TUBB4A: variants seen among roughly 807,000 people sequenced by gnomAD.
TUBB4A encodes the protein tubulin beta 4A class IVa.
In TUBB4A, 13 loss-of-function variants were observed where a neutral mutation model predicts 35.1. The observed-to-expected ratio is 0.37, with a 90% CI of 0.24 to 0.59. The LOEUF (loss-of-function observed/expected upper bound fraction) is 0.59. TUBB4A is among the 20% of genes least tolerant of loss of function. The probability of loss-of-function intolerance (pLI) is 0.71; values close to 1 mark genes in which losing one functional copy is unlikely to be tolerated. For synonymous variants in TUBB4A, 279 were observed against 272.4 expected, an observed-to-expected ratio of 1.02 and a Z score of -0.24; for missense variants, 299 against 647.2, an observed-to-expected ratio of 0.46 and a Z score of 5.84.
In TUBB4A at chr19:6,495,086, T is replaced by C; in HGVS notation, c.*78A>G. 1 of 1,546,972 alleles carries C rather than the reference T, an allele frequency of 6.5e-7. No individual in the cohort carries two copies. The highest frequency in any genetic ancestry group is 8.8e-7 in the Non-Finnish European group (1 of 1,136,220). ...CAGCCTTGGAGGGAAAGCGGGGCTC[T>C]AGGGTTCAGAGATGGGGGGCCTAGC... On this transcript the variant is annotated 3_prime_UTR_variant, in exon 4 of 4. Coordinates refer to ENST00000264071, the MANE Select transcript of TUBB4A (RefSeq NM_006087.4). The surrounding 1 kb of genome is among the most constrained non-coding windows in gnomAD (Gnocchi z 8.7).
chr19:6,499,028 A>G (rs1914405654), intron 3 of TUBB4A, among the ~76,000 whole-genome samples: 1 of 152,114 alleles, frequency 6.6e-6, no homozygotes, highest in African/African-American at 2.4e-5. Context: ...GAGGAGCATT[A>G]AAAGTGTGGG....
In TUBB4A at chr19:6,501,007, G is replaced by C. The variant is rs1436926760; in HGVS notation, c.277+280C>G. 1.2e-5 allele frequency: 5 copies of C among 423,950 alleles called. No individual in the cohort carries two copies. The East Asian group carries it at 2.0e-4, about 17-fold the overall frequency. 26.3% of individuals were successfully genotyped at this position (423,950 alleles called of 1,614,324 possible). On this transcript the variant is annotated intron_variant, in intron 3 of 3. Transcript: ENST00000264071. The surrounding 1 kb of genome is among the most constrained non-coding windows in gnomAD (Gnocchi z 4.2). ...GTTGAATGCATGAAGTGGCAGAATTGGGATGTGCACCCAGGCAGTCTGGTT... is the reference window on the plus strand; with the variant it reads ...GTTGAATGCATGAAGTGGCAGAATTCGGATGTGCACCCAGGCAGTCTGGTT...
chr19:6,498,298 C>T (rs1400191665), intron 3 of TUBB4A, among the ~76,000 whole-genome samples: 1 of 152,140 alleles, frequency 6.6e-6, no homozygotes, highest in African/African-American at 2.4e-5. Context: ...CATCTGTCTC[C>T]ACCTTAGTTC....
rs567403833 is a variant in TUBB4A, at chr19:6,499,265, C to T, written c.277+2022G>A. Among the ~76,000 whole-genome samples, 27 of 151,414 alleles carry T rather than the reference C, an allele frequency of 1.8e-4. 1 individual carries two copies. In the South Asian group the frequency reaches 2.9e-3, roughly 16 times the overall value. ...TGAATCTGGGAGGTGGAGGTTGCGTCACTGCACTCCAGCCTGGGCAACGGA... is the reference window on the plus strand; with the variant it reads ...TGAATCTGGGAGGTGGAGGTTGCGTTACTGCACTCCAGCCTGGGCAACGGA... On this transcript the variant is annotated intron_variant, in intron 3 of 3. Transcript: ENST00000264071.
chr19:6,502,009 C>T lies in TUBB4A; in HGVS notation c.57+147G>A. 5.8e-6 allele frequency: 5 copies of T among 856,070 alleles called. No homozygotes were observed. In the South Asian group the frequency reaches 7.5e-5, roughly 13 times the overall value. 53.0% of individuals were successfully genotyped at this position (856,070 alleles called of 1,614,324 possible). Reference sequence around the variant, plus strand: ...GGCCCTGCCACCCCCACCCCGCGACCCTTCCCCCAAGGCCCCTGGGGCGCG... The same window carrying T: ...GGCCCTGCCACCCCCACCCCGCGACTCTTCCCCCAAGGCCCCTGGGGCGCG... On this transcript the variant is annotated intron_variant, in intron 1 of 3. Coordinates refer to ENST00000264071, the MANE Select transcript of TUBB4A (RefSeq NM_006087.4).
At chr19:6,496,282 GTCTC>G in intron 3 of TUBB4A, 61 bp from the exon 4 acceptor site, 1 of 1,490,522 alleles carries the variant, frequency 6.7e-7, no homozygotes, top group East Asian at 2.3e-5. Flanking sequence ...CCTTGACTCT[GTCTC>G]TCCACCACCT....
Position 6,495,765 on chromosome 19 carries a change from T to C in TUBB4A, c.734A>G (p.Gln245Arg). 6.2e-7 allele frequency: 1 copy of C among 1,614,204 alleles called. No individual in the cohort carries two copies. Among genetic ancestry groups the C allele is most frequent in the Non-Finnish European group, 8.5e-7 (1 of 1,180,034 alleles). ...CAGCTTGCGCAGGTCGGCGTTCAGC[T>C]GGCCCGGGAAGCGCAGGCAGGTGGT... is the stretch of plus-strand genomic sequence containing the variant. ...GVTTCLRFPGQLNADLRKLAV... is the reference protein window; with the variant it reads ...GVTTCLRFPGRLNADLRKLAV... Residue 245 changes from glutamine to arginine, a missense_variant, in exon 4 of 4, where the codon CAG becomes CGG. Gln to Arg is a conservative substitution (Grantham distance 43, BLOSUM62 1). Around this residue, in one of 5 missense-constraint regions of TUBB4A, gnomAD observed 51 missense variants for 100.3 expected, o/e 0.51. Coordinates refer to ENST00000264071, the MANE Select transcript of TUBB4A (RefSeq NM_006087.4). This position sits in a 1 kb window ranked among gnomAD's most constrained non-coding sequence, Gnocchi z 8.7.
Position 6,501,639 on chromosome 19 carries a change from G to A in TUBB4A, c.58-16C>T, listed in dbSNP as rs751355666. On this transcript the variant is annotated splice_polypyrimidine_tract_variant and intron_variant, in intron 1 of 3. Coordinates refer to ENST00000264071, the MANE Select transcript of TUBB4A (RefSeq NM_006087.4). This position sits in a 1 kb window ranked among gnomAD's most constrained non-coding sequence, Gnocchi z 4.2. Reference sequence around the variant, plus strand: ...CCTCCCAAAACTAGAGAGAGAGGTGGTCGGAAGAGTTGAGAGAGGGGAAGC... The same window carrying A: ...CCTCCCAAAACTAGAGAGAGAGGTGATCGGAAGAGTTGAGAGAGGGGAAGC... The A allele has an allele frequency of 2.5e-6, 4 of 1,607,516 alleles. No homozygotes were observed. Among genetic ancestry groups the A allele is most frequent in the Non-Finnish European group, 3.4e-6 (4 of 1,175,296 alleles).
intron 3 of TUBB4A, among the ~76,000 whole-genome samples, chr19:6,499,721 C>T (rs943234670): frequency 6.6e-6 from 1 of 152,302 alleles, no homozygotes; most frequent in Admixed American, 6.5e-5. Context: ...AAAACAACGA[C>T]AAATGCTTAT....
chr19:6,502,049 A>ACC, intron 1 of TUBB4A, 107 bp downstream of exon 1: 1 of 1,240,522 alleles, frequency 8.1e-7, no homozygotes, highest in Non-Finnish European at 1.1e-6. Context: ...CCTCCTGGGG[A>ACC]CCTCATTCCT....
intron 3 of TUBB4A, among the ~76,000 whole-genome samples, chr19:6,497,024 A>ATAT (rs1229845868): frequency 4.5e-5 from 1 of 22,002 alleles, no homozygotes; most frequent in Non-Finnish European, 7.4e-5. Context: ...AAAAAAAAAA[A>ATAT]ATATATATAT....
Position 6,501,282 on chromosome 19 carries a change from C to T in TUBB4A, c.277+5G>A, listed in dbSNP as rs1914519188. 1 of 1,612,592 alleles carries T rather than the reference C, an allele frequency of 6.2e-7. No individual in the cohort carries two copies. Among genetic ancestry groups the T allele is most frequent in the African/African-American group, 1.3e-5 (1 of 74,914 alleles). On this transcript the variant is annotated splice_donor_5th_base_variant and intron_variant, in intron 3 of 3. Transcript: ENST00000264071. The surrounding 1 kb of genome is among the most constrained non-coding windows in gnomAD (Gnocchi z 4.2). Reference sequence around the variant, plus strand: ...CAGCCTCTGGCTCCCTGCTGGGGGACTCACCAAACACGAAGTTGTCCGGCC... The same window carrying T: ...CAGCCTCTGGCTCCCTGCTGGGGGATTCACCAAACACGAAGTTGTCCGGCC...
intron 3 of TUBB4A, among the ~76,000 whole-genome samples, chr19:6,497,261 TTAA>T (rs920362021): frequency 8.6e-5 from 13 of 151,086 alleles, no homozygotes; most frequent in Admixed American, 2.0e-4. Flanking sequence ...AACATCATTA[TTAA>T]TAATAATATC....
At chr19:6,498,797 T>C (rs1914395739) in intron 3 of TUBB4A, among the ~76,000 whole-genome samples, 1 of 152,226 alleles carries the variant, frequency 6.6e-6, no homozygotes, top group South Asian at 2.1e-4. Flanking sequence ...AGACAAACTG[T>C]GTGACCTTGG....
intron 3 of TUBB4A, among the ~76,000 whole-genome samples, chr19:6,497,253 C>T (rs1004162746): frequency 6.6e-5 from 10 of 150,588 alleles, no homozygotes; most frequent in African/African-American, 9.8e-5. Flanking sequence ...TAATATTTAA[C>T]ATCATTATTA....
In TUBB4A at chr19:6,495,111, C is replaced by T. The variant is rs113953942; in HGVS notation, c.*53G>A. 3,877 of 1,594,184 alleles carry T rather than the reference C, an allele frequency of 2.4e-3. 81 individuals are homozygous for T. In the African/African-American group the frequency reaches 0.047, roughly 19 times the overall value. The stretch of plus-strand genomic sequence containing the variant: ...TAGGGTTCAGAGATGGGGGGCCTAG[C>T]GGATCAAAGGTCAGAAGCCTCGAGG... On this transcript the variant is annotated 3_prime_UTR_variant, in exon 4 of 4. Coordinates refer to ENST00000264071, the MANE Select transcript of TUBB4A (RefSeq NM_006087.4). The surrounding 1 kb of genome is among the most constrained non-coding windows in gnomAD (Gnocchi z 8.7).
Position 6,496,036 on chromosome 19 carries a change from T to C in TUBB4A, c.463A>G (p.Ile155Val). The C allele has an allele frequency of 6.2e-7, 1 of 1,614,174 alleles. No homozygotes were observed. The highest frequency in any genetic ancestry group is 8.5e-7 in the Non-Finnish European group (1 of 1,180,024). The change falls in exon 4 of 4, where the codon ATC becomes GTC. Residue 155 changes from isoleucine to valine, a missense_variant. Transcript: ENST00000264071. ...SGMGTLLISK[I>V]REEFPDRIMN... is the part of the protein sequence containing the mutation. ...ATGCGGTCTGGGAACTCCTCGCGGA[T>C]CTTACTGATGAGCAGCGTGCCCATT...
Position 6,496,239 on chromosome 19 carries a change from G to A in TUBB4A, c.278-18C>T, listed in dbSNP as rs1914181862. The stretch of plus-strand genomic sequence containing the variant: ...GGATTGGCCTAGAGAGGGAAGGGGA[G>A]GGGACACACATGCAGTTATGGGGAG... On this transcript the variant is annotated intron_variant, in intron 3 of 3. Coordinates refer to ENST00000264071, the MANE Select transcript of TUBB4A (RefSeq NM_006087.4). The A allele has an allele frequency of 1.9e-6, 3 of 1,594,044 alleles. No homozygotes were observed. The highest frequency in any genetic ancestry group is 2.3e-5 in the South Asian group (2 of 88,268).
intron 3 of TUBB4A, among the ~76,000 whole-genome samples, chr19:6,496,852 GC>G (rs1198898627): frequency 1.4e-5 from 2 of 145,288 alleles, no homozygotes; most frequent in Non-Finnish European, 3.0e-5. Flanking sequence ...ACACTCCCCC[GC>G]CCCCTGCCTA....
Sources: allele counts gnomAD v4.1 joint callset (sites outside exome capture counted in the v4.1 genomes callset), GRCh38; gene constraint gnomAD v4.1.1; regional missense constraint gnomAD v4.1.1; non-coding constraint Gnocchi (gnomAD v3.1); transcripts MANE v1.5; gene names NCBI Gene and HGNC (gene_info 2026-07-23, HGNC 2026-07-21).